The following GABBR2 variants were observed in gnomAD, a reference collection of about 807,000 sequenced individuals.
The protein encoded by GABBR2 is G-protein coupled receptor 51.
Under a neutral mutation model 105.6 loss-of-function variants are expected in GABBR2, and 23 were observed. That is an observed-to-expected ratio of 0.22 (90% CI 0.16 to 0.31). The LOEUF (loss-of-function observed/expected upper bound fraction) is 0.31. Ranked by LOEUF, GABBR2 falls within the 10% of genes least tolerant of loss-of-function variation. The pLI, the probability that GABBR2 is intolerant of heterozygous loss-of-function variation, is 1.00. For missense variants in GABBR2, 734 were observed against 1,245.5 expected (o/e 0.59, Z 6.18); for synonymous variants, 478 against 499.7 (o/e 0.96, Z 0.58).
chr9:98,358,279 A>C (rs1344840224), intron 13 of GABBR2, among the ~76,000 whole-genome samples: 2 of 152,166 alleles, frequency 1.3e-5, no homozygotes, highest in African/African-American at 4.8e-5. Context: ...GACTCATGTC[A>C]AATAGTTTTC....
intron 9 of GABBR2, among the ~76,000 whole-genome samples, chr9:98,393,320 C>T (rs141389183): frequency 5.3e-4 from 81 of 151,752 alleles, no homozygotes; most frequent in African/African-American, 1.9e-3. Flanking sequence ...CCCATTCACA[C>T]ACCCATCCAG....
At chr9:98,348,915 A>C (rs1256992900) in intron 13 of GABBR2, among the ~76,000 whole-genome samples, 1 of 152,090 alleles carries the variant, frequency 6.6e-6, no homozygotes, top group Non-Finnish European at 1.5e-5. Context: ...GATGCTCTTT[A>C]TTTCTTTCTC....
chr9:98,377,362 A>G (rs1831894211), intron 11 of GABBR2, among the ~76,000 whole-genome samples: 1 of 152,112 alleles, frequency 6.6e-6, no homozygotes, highest in Non-Finnish European at 1.5e-5. Flanking sequence ...AGCTGTTGAG[A>G]ATTCTGTGGG....
At chr9:98,636,916 C>T (rs914928855) in intron 1 of GABBR2, among the ~76,000 whole-genome samples, 5 of 152,206 alleles carry the variant, frequency 3.3e-5, no homozygotes, top group South Asian at 2.1e-4. Flanking sequence ...TGCAGAGTCC[C>T]GGGCCCTCCT....
chr9:98,474,109 A>G (rs1382855307), intron 5 of GABBR2, among the ~76,000 whole-genome samples: 1 of 152,120 alleles, frequency 6.6e-6, no homozygotes, highest in Non-Finnish European at 1.5e-5. Context: ...TTTGATTGTC[A>G]CTCACATTCA....
chr9:98,420,339 G>A (rs985716630), intron 7 of GABBR2, among the ~76,000 whole-genome samples: 1 of 152,186 alleles, frequency 6.6e-6, no homozygotes, highest in African/African-American at 2.4e-5. Context: ...GCCTCAGCCG[G>A]CCTCGACTGA....
chr9:98,571,801 G>T (rs529424274), intron 2 of GABBR2, among the ~76,000 whole-genome samples: 3 of 152,290 alleles, frequency 2.0e-5, no homozygotes, highest in South Asian at 4.1e-4. Flanking sequence ...CTCCATGCTG[G>T]AAGCTTCCAG....
At chr9:98,421,145 G>A (rs59238198) in intron 7 of GABBR2, among the ~76,000 whole-genome samples, 9,463 of 152,228 alleles carry the variant, frequency 0.062, 548 homozygotes, top group African/African-American at 0.16. Flanking sequence ...TTAAATTTCT[G>A]AGGGAAACAG....
chr9:98,341,041 G>T (rs1588111679), intron 13 of GABBR2, among the ~76,000 whole-genome samples: 2 of 152,356 alleles, frequency 1.3e-5, no homozygotes, highest in Admixed American at 1.3e-4. Flanking sequence ...CTTCAGGGCT[G>T]GCCCTGGTGC....
intron 2 of GABBR2, among the ~76,000 whole-genome samples, chr9:98,573,868 A>G (rs1828871692): frequency 6.6e-6 from 1 of 152,202 alleles, no homozygotes. Context: ...TCTATGCTTT[A>G]TACATTAAAA....
At chr9:98,424,367 C>G (rs1227359068) in intron 7 of GABBR2, among the ~76,000 whole-genome samples, 2 of 151,058 alleles carry the variant, frequency 1.3e-5, no homozygotes, top group African/African-American at 4.8e-5. Context: ...AAACCCACAG[C>G]CAATATCATA....
intron 1 of GABBR2, among the ~76,000 whole-genome samples, chr9:98,619,982 TG>T (rs1829645492): frequency 6.6e-6 from 1 of 152,208 alleles, no homozygotes; most frequent in East Asian, 1.9e-4. Flanking sequence ...CTCTCTGTGC[TG>T]TGTTGGGTCA....
intron 7 of GABBR2, among the ~76,000 whole-genome samples, chr9:98,419,605 G>A (rs1405042383): frequency 7.2e-5 from 11 of 152,204 alleles, no homozygotes; most frequent in African/African-American, 2.4e-4. Context: ...GACCACCCAA[G>A]GGTGGCTGCG....
intron 13 of GABBR2, among the ~76,000 whole-genome samples, chr9:98,353,433 ACCT>A (rs1264944643): frequency 2.0e-5 from 3 of 152,070 alleles, no homozygotes; most frequent in Non-Finnish European, 2.9e-5. Context: ...TGACATTTTG[ACCT>A]CCTCCCACGA....
intron 2 of GABBR2, among the ~76,000 whole-genome samples, chr9:98,564,048 GAATGAGT>G (rs1359564261): frequency 1.3e-5 from 2 of 151,866 alleles, no homozygotes; most frequent in East Asian, 3.9e-4. Context: ...ACAAGTTACT[GAATGAGT>G]AATAAGTTTA....
intron 14 of GABBR2, among the ~76,000 whole-genome samples, chr9:98,307,329 C>T (rs779481522): frequency 3.9e-5 from 6 of 151,930 alleles, no homozygotes; most frequent in African/African-American, 7.2e-5. Context: ...AAGGGGAGGG[C>T]GGGCTGCAGG....
chr9:98,543,789 C>A (rs1047188958), intron 2 of GABBR2, among the ~76,000 whole-genome samples: 4 of 151,998 alleles, frequency 2.6e-5, no homozygotes, highest in African/African-American at 9.7e-5. Context: ...AGAAAATTAG[C>A]CCTTTATGAT....
Position 98,388,754 on chromosome 9 carries a change from C to T in GABBR2, c.1529+100G>A. 1.0e-6 allele frequency: 1 copy of T among 973,638 alleles called. No individual in the cohort carries two copies. Among genetic ancestry groups the T allele is most frequent in the African/African-American group, 1.6e-5 (1 of 61,492 alleles). The allele number at this position is 973,638 out of a possible 1,614,324, so 60.3% of individuals were successfully genotyped here. A position where few individuals can be genotyped will look rare whatever the true frequency, so the allele number is the denominator to read the frequency against. On this transcript the variant is annotated intron_variant, in intron 10 of 18. Transcript: ENST00000259455. This position sits in a 1 kb window ranked among gnomAD's most constrained non-coding sequence, Gnocchi z 4.4. ...TTGGGAAACTCTGCCCTGCAGACTT[C>T]TGTGTCCCTGGGGAATCTGTCATGT... is the stretch of plus-strand genomic sequence containing the variant.
At chr9:98,687,247 G>A (rs1307322744) in intron 1 of GABBR2, among the ~76,000 whole-genome samples, 1 of 151,740 alleles carries the variant, frequency 6.6e-6, no homozygotes, top group East Asian at 2.0e-4. Context: ...CAGGGTGGGA[G>A]GTCACGGACG....
Sources: gnomAD v4.1 joint callset for allele counts (sites outside exome capture counted in the v4.1 genomes callset) on GRCh38, gnomAD v4.1.1 for gene constraint, Gnocchi (gnomAD v3.1) non-coding constraint, MANE v1.5 for transcripts, NCBI Gene and HGNC (gene_info 2026-07-23, HGNC 2026-07-21) for gene names.